Variants in MAX observed in about 807,000 individuals in gnomAD.
MAX encodes MYC associated transcriptional regulator X.
A neutral mutation model predicts 22.3 loss-of-function variants in MAX; 3 were observed. The observed-to-expected ratio is 0.13, with a 90% confidence interval of 0.06 to 0.35. The LOEUF is 0.35. Among genes scored for constraint, MAX ranks in the 10% least tolerant of loss-of-function variants. The probability of loss-of-function intolerance (pLI) is 1.00; values close to 1 mark genes in which losing one functional copy is unlikely to be tolerated. For synonymous variants in MAX, 72 were observed against 77.7 expected (o/e 0.93, Z 0.39); for missense variants, 119 against 209.4 (o/e 0.57, Z 2.66).
At chr14:65,070,772 C>T (rs553166303), downstream of MAX, among the ~76,000 whole-genome samples, 1 of 152,236 alleles carries the variant, frequency 6.6e-6, no homozygotes, top group Non-Finnish European at 1.5e-5. This position sits in a 1 kb window ranked among gnomAD's most constrained non-coding sequence, Gnocchi z 4.4. Context: ...CGATGGCTGA[C>T]CACTGTCATA....
Position 65,044,232 on chromosome 14 carries a change from A to G in MAX, c.172-37948T>C, listed in dbSNP as rs1300127918. 1 of 1,602,016 alleles carries G rather than the reference A, an allele frequency of 6.2e-7. No individual in the cohort carries two copies. Among genetic ancestry groups the G allele is most frequent in the Non-Finnish European group, 8.5e-7 (1 of 1,176,036 alleles). Reference sequence around the variant, plus strand: ...AGATGGGAAACCCTCCATCCCACAGATTGACTCCTGGAGATTCTGTCGGGC... The same window carrying G: ...AGATGGGAAACCCTCCATCCCACAGGTTGACTCCTGGAGATTCTGTCGGGC... On this transcript the variant is annotated intron_variant, in intron 3 of 3. Coordinates refer to the MAX transcript ENST00000341653. The surrounding 1 kb of genome is among the most constrained non-coding windows in gnomAD (Gnocchi z 5.5).
rs1186983133 is a variant in MAX, at chr14:65,015,799, G to C, written c.172-9515C>G. ...ATTTTGTTTTGTTTCTGTTTTGTTT[G>C]TTTGGAATGGAAAAAAACAGTGCCA... On this transcript the variant is annotated intron_variant, in intron 3 of 3. Coordinates refer to the MAX transcript ENST00000341653. 20 of 1,501,848 alleles carry C rather than the reference G, an allele frequency of 1.3e-5. No homozygotes were observed. The South Asian group carries it at 2.2e-4, about 17-fold the overall frequency. The allele number at this position is 1,501,848 out of a possible 1,614,324, so 93.0% of individuals were successfully genotyped here.
intron 3 of MAX, among the ~76,000 whole-genome samples, chr14:65,045,576 T>A (rs1015596177): frequency 6.6e-6 from 1 of 151,878 alleles, no homozygotes; most frequent in Non-Finnish European, 1.5e-5. Context: ...CCACCACACC[T>A]GGCTAATTTT....
At chr14:65,049,878 A>G (rs1273217054) in intron 3 of MAX, among the ~76,000 whole-genome samples, 3 of 152,046 alleles carry the variant, frequency 2.0e-5, no homozygotes, top group Non-Finnish European at 2.9e-5. Context: ...CATTTTCATC[A>G]CTCATCCCCC....
intron 3 of MAX, among the ~76,000 whole-genome samples, chr14:65,064,832 T>C (rs1566588605): frequency 6.6e-6 from 1 of 152,262 alleles, no homozygotes; most frequent in Non-Finnish European, 1.5e-5. Context: ...GCCATTGCTC[T>C]CAAACAGTGA....
At position 65,007,558 on chromosome 14, in the gene MAX, A is replaced by G. The variant is rs201861895; in HGVS notation, c.172-1274T>C. ...CTGGAGCTGAATGTCAGTACATTCT[A>G]TACTTAATCCCCTTCCCAGAAATGA... is the stretch of plus-strand genomic sequence containing the variant. On this transcript the variant is annotated intron_variant, in intron 3 of 3. Coordinates refer to the MAX transcript ENST00000341653. This position sits in a 1 kb window ranked among gnomAD's most constrained non-coding sequence, Gnocchi z 4.9. 6.6e-6 allele frequency among the ~76,000 whole-genome samples: 1 copy of G among 152,358 alleles called. No individual in the cohort carries two copies. The highest frequency in any genetic ancestry group is 1.9e-4 in the East Asian group (1 of 5,180).
chr14:65,077,855 A>C lies in MAX; in HGVS notation c.295+58T>G. On this transcript the variant is annotated intron_variant, in intron 4 of 4. Coordinates refer to ENST00000358664, the MANE Select transcript of MAX (RefSeq NM_002382.5). This position sits in a 1 kb window ranked among gnomAD's most constrained non-coding sequence, Gnocchi z 6.3. Reference sequence around the variant, plus strand: ...TCTGACTCTGCAGGCCCAGGTGCCAAAGCCTGACCTGGCTGGAGCACAGCA... The same window carrying C: ...TCTGACTCTGCAGGCCCAGGTGCCACAGCCTGACCTGGCTGGAGCACAGCA... 6.2e-7 allele frequency: 1 copy of C among 1,614,208 alleles called. No individual in the cohort carries two copies. Among genetic ancestry groups the C allele is most frequent in the Non-Finnish European group, 8.5e-7 (1 of 1,180,032 alleles).
intron 3 of MAX, among the ~76,000 whole-genome samples, chr14:65,057,727 T>C (rs2062769348): frequency 6.6e-6 from 1 of 152,246 alleles, no homozygotes; most frequent in African/African-American, 2.4e-5. Flanking sequence ...GGATTTGGTT[T>C]CTGTGTATGG....
In MAX at chr14:65,011,416, G is replaced by A. The variant is rs547344903; in HGVS notation, c.172-5132C>T. 1.5e-5 allele frequency among the ~76,000 whole-genome samples: 2 copies of A among 137,452 alleles called. No individual in the cohort carries two copies. Among genetic ancestry groups the A allele is most frequent in the African/African-American group, 2.8e-5 (1 of 35,418 alleles). 90.2% of individuals were successfully genotyped at this position (137,452 alleles called of 152,430 possible). A position where few individuals can be genotyped will look rare whatever the true frequency, so the allele number is the denominator to read the frequency against. ...TGCACTCCAGCCTGGGTGACAGAGC[G>A]AGACTCCGTCTCAGGAAAAAAAAAA... is the stretch of plus-strand genomic sequence containing the variant. On this transcript the variant is annotated intron_variant, in intron 3 of 3. Transcript: ENST00000341653. This position sits in a 1 kb window ranked among gnomAD's most constrained non-coding sequence, Gnocchi z 4.0.
At chr14:65,008,701 G>A (rs1423093206) in intron 3 of MAX, among the ~76,000 whole-genome samples, 1 of 152,232 alleles carries the variant, frequency 6.6e-6, no homozygotes, top group Non-Finnish European at 1.5e-5. Context: ...GAAAGGAGCG[G>A]AGCTCAAAGA....
At chr14:65,073,588 A>G (rs552000166), downstream of MAX, among the ~76,000 whole-genome samples, 13 of 152,312 alleles carry the variant, frequency 8.5e-5, no homozygotes, top group South Asian at 2.7e-3. Context: ...GGTTTTGTGT[A>G]AGTGAGTGTC....
intron 3 of MAX, chr14:65,061,211 C>T (rs917673475): frequency 1.2e-6 from 2 of 1,614,010 alleles, no homozygotes; most frequent in Admixed American, 3.3e-5. Flanking sequence ...CAACATTGGA[C>T]CAGACAAGGT....
Position 65,082,600 on chromosome 14 carries a change from T to C in MAX, c.172-4564A>G, listed in dbSNP as rs1191480730. ...AAAACACAGCAAGACACTTGGGCTC[T>C]ATAAAAAAATCAAAAGATTAGCTGG... is the stretch of plus-strand genomic sequence containing the variant. On this transcript the variant is annotated intron_variant, in intron 3 of 4. Transcript: ENST00000358664. This position sits in a 1 kb window ranked among gnomAD's most constrained non-coding sequence, Gnocchi z 4.8. 6.6e-6 allele frequency among the ~76,000 whole-genome samples: 1 copy of C among 151,994 alleles called. No homozygotes were observed. The highest frequency in any genetic ancestry group is 2.4e-5 in the African/African-American group (1 of 41,374).
chr14:65,072,900 C>T (rs1566593623), downstream of MAX, among the ~76,000 whole-genome samples: 1 of 152,196 alleles, frequency 6.6e-6, no homozygotes, highest in African/African-American at 2.4e-5. Context: ...AGTCACTGTG[C>T]CTGGTAAGGA....
In MAX at chr14:65,093,744, A is replaced by T. The variant is rs2139883863; in HGVS notation, c.135T>A (p.Ser45Arg). ...GGAGTGATGGGACTGAGTCCCGCAA[A>T]CTGTGAAAGCTGTCTTTGATGTGGT... ...RRDHIKDSFHSLRDSVPSLQG... is the reference protein window; with the variant it reads ...RRDHIKDSFHRLRDSVPSLQG... The change falls in exon 3 of 5, where the codon AGT (serine) becomes AGA (arginine). Residue 45 changes from serine (S) to arginine (R), a missense_variant. Physicochemically the swap from Ser to Arg is moderately radical, Grantham distance 110. Transcript: ENST00000358664. The surrounding 1 kb of genome is among the most constrained non-coding windows in gnomAD (Gnocchi z 4.4). 1.2e-6 allele frequency: 2 copies of T among 1,612,136 alleles called. No homozygotes were observed. The highest frequency in any genetic ancestry group is 1.7e-6 in the Non-Finnish European group (2 of 1,178,166).
At chr14:65,101,671 G>A (rs752354764) in intron 1 of MAX, 99 bp from the exon 2 acceptor site, 72 of 907,036 alleles carry the variant, frequency 7.9e-5, no homozygotes, top group Non-Finnish European at 1.2e-4. Context: ...AGAGGAAGCG[G>A]AGGGTGGGGA....
At position 65,007,548 on chromosome 14, in the gene MAX, A is replaced by C. The variant is rs72728240; in HGVS notation, c.172-1264T>G. ...AAAGTCAAGCCTGGAGCTGAATGTC[A>C]GTACATTCTATACTTAATCCCCTTC... On this transcript the variant is annotated intron_variant, in intron 3 of 3. Coordinates refer to the MAX transcript ENST00000341653. The surrounding 1 kb of genome is among the most constrained non-coding windows in gnomAD (Gnocchi z 4.9). 6.6e-6 allele frequency among the ~76,000 whole-genome samples: 1 copy of C among 152,346 alleles called. No individual in the cohort carries two copies. The highest frequency in any genetic ancestry group is 1.5e-5 in the Non-Finnish European group (1 of 68,032).
chr14:65,048,288 T>G (rs1287262571), intron 3 of MAX, among the ~76,000 whole-genome samples: 1 of 151,964 alleles, frequency 6.6e-6, no homozygotes, highest in Non-Finnish European at 1.5e-5. Context: ...TGGCCAACTT[T>G]TTAGATTTTC....
chr14:65,022,685 A>G (rs890870096), intron 3 of MAX, among the ~76,000 whole-genome samples: 1 of 152,166 alleles, frequency 6.6e-6, no homozygotes, highest in African/African-American at 2.4e-5. Flanking sequence ...AAAAAAAAAA[A>G]AAGTAGTCAT....
Sources: allele counts gnomAD v4.1 joint callset (sites outside exome capture counted in the v4.1 genomes callset), GRCh38; gene constraint gnomAD v4.1.1; non-coding constraint Gnocchi (gnomAD v3.1); transcripts MANE v1.5; gene names NCBI Gene and HGNC (gene_info 2026-07-23, HGNC 2026-07-21).